TTC3: variants seen among roughly 807,000 people sequenced by gnomAD.
TTC3 encodes the protein E3 ubiquitin-protein ligase TTC3.
In TTC3, 180 loss-of-function variants were observed where a neutral mutation model predicts 249.6. That is an observed-to-expected ratio of 0.72 (90% CI 0.64 to 0.82). The LOEUF is 0.82. TTC3 is among the 40% of genes least tolerant of loss of function. The pLI is 0.00. For missense variants in TTC3, 2,061 were observed against 2,398.4 expected (o/e 0.86, Z 2.94); for synonymous variants, 717 against 805.0 (o/e 0.89, Z 1.85).
At chr21:37,125,976 G>T (rs1413020190) in intron 14 of TTC3, 104 bp from the exon 15 acceptor site, 3 of 1,069,872 alleles carry the variant, frequency 2.8e-6, no homozygotes, top group Non-Finnish European at 4.0e-6. Flanking sequence ...AGCTGCTAGG[G>T]TGAATTCTAT....
At position 37,160,786 on chromosome 21, in the gene TTC3, T is replaced by TC. The variant is rs754356111; in HGVS notation, c.3040-10dup. ...TGTTATTTGAGTGTTCACTGATTTT[T>TC]CCCCCCATTTTTTAGTTTAGTTCAA... On this transcript the variant is annotated splice_polypyrimidine_tract_variant and intron_variant, in intron 29 of 45. Coordinates refer to ENST00000355666, the Ensembl canonical transcript of TTC3. The TC allele has an allele frequency of 6.1e-5, 98 of 1,612,088 alleles. No homozygotes were observed. Among genetic ancestry groups the TC allele is most frequent in the Admixed American group, 4.0e-4 (24 of 59,680 alleles).
chr21:37,171,780 G>C (rs142135326), intron 34 of TTC3, among the ~76,000 whole-genome samples: 154 of 152,324 alleles, frequency 1.0e-3, no homozygotes, highest in African/African-American at 3.4e-3. Context: ...ATAATTCACA[G>C]TTCTCCAACT....
intron 15 of TTC3, 80 bp downstream of exon 15, chr21:37,126,223 C>A: frequency 7.9e-7 from 1 of 1,270,122 alleles, no homozygotes; most frequent in Non-Finnish European, 1.1e-6. Context: ...TGTGCACAAG[C>A]CTTGCTTATA....
Position 37,108,449 on chromosome 21 carries a change from A to T in TTC3, c.900+3A>T. The T allele has an allele frequency of 6.2e-7, 1 of 1,612,334 alleles. No individual in the cohort carries two copies. The highest frequency in any genetic ancestry group is 2.2e-5 in the East Asian group (1 of 44,868). On this transcript the variant is annotated splice_donor_region_variant and intron_variant, in intron 11 of 45. Coordinates refer to ENST00000355666, the Ensembl canonical transcript of TTC3. ...TTCTGAAGAACACTTGGCCAAAGGT[A>T]GGTTTCTTCTGTATTTTATATTGAG... is the stretch of plus-strand genomic sequence containing the variant.
intron 39 of TTC3, 94 bp from the exon 40 acceptor site, chr21:37,191,240 A>G: frequency 1.2e-6 from 1 of 831,476 alleles, no homozygotes; most frequent in Non-Finnish European, 1.8e-6. Context: ...GATTATGTTA[A>G]ATGTCTCTTT....
At chr21:37,188,695 AAT>A (rs1204184373) in intron 39 of TTC3, 100 bp downstream of exon 39, 1 of 767,960 alleles carries the variant, frequency 1.3e-6, no homozygotes, top group Non-Finnish European at 2.0e-6. Flanking sequence ...TTTTATTTTT[AAT>A]AGTTATATAA....
chr21:37,087,181 A>C (rs981919182), intron 1 of TTC3, 66 bp from the exon 2 acceptor site: 2 of 1,564,306 alleles, frequency 1.3e-6, no homozygotes, highest in Admixed American at 1.8e-5. Flanking sequence ...CATAGAAGCC[A>C]GGAAAACTTT....
At chr21:37,127,112 C>T (rs1430243098) in intron 15 of TTC3, among the ~76,000 whole-genome samples, 1 of 152,178 alleles carries the variant, frequency 6.6e-6, no homozygotes, top group Non-Finnish European at 1.5e-5. Flanking sequence ...GCCTTGGCCT[C>T]CCAAAGTGCT....
chr21:37,139,983 A>G (rs2078288726), intron 19 of TTC3, among the ~76,000 whole-genome samples: 1 of 152,152 alleles, frequency 6.6e-6, no homozygotes, highest in Non-Finnish European at 1.5e-5. Context: ...TCTTAGAACT[A>G]TGTATCTTTT....
chr21:37,165,794 A>C lies in TTC3; in HGVS notation c.3580A>C (p.Ile1194Leu), dbSNP rs921520167. ...AAACATTAAAACAAAAGTAGAAGAA[A>C]TTTCAAAAGCAGGGGAGTATGTACG... is the stretch of plus-strand genomic sequence containing the variant. Residue 1194 changes from isoleucine (I) to leucine (L), a missense_variant, in exon 33 of 46, where the codon ATT becomes CTT. Ile to Leu is a conservative substitution (Grantham distance 5). This residue lies in a region of TTC3 where 1,040 missense variants were observed against 1,186.1 expected (regional missense o/e 0.88). Transcript: ENST00000355666. 1.9e-6 allele frequency: 3 copies of C among 1,613,894 alleles called. No individual in the cohort carries two copies. In the African/African-American group the frequency reaches 4.0e-5, roughly 22 times the overall value.
intron 35 of TTC3, among the ~76,000 whole-genome samples, chr21:37,175,597 C>CA (rs1175943574): frequency 0.074 from 3,139 of 42,336 alleles, 110 homozygotes; most frequent in African/African-American, 0.11. Context: ...GACTCCATCT[C>CA]AAAAAAAAAA....
intron 1 of TTC3, among the ~76,000 whole-genome samples, chr21:37,080,265 T>C (rs560018168): frequency 3.0e-4 from 46 of 152,312 alleles, no homozygotes; most frequent in African/African-American, 1.1e-3. Context: ...CTTTGACTTA[T>C]GAGTTACTTA....
rs140453384 is a variant in TTC3, at chr21:37,090,430, G to A, written c.480+144G>A. 85 of 981,750 alleles carry A rather than the reference G, an allele frequency of 8.7e-5. No homozygotes were observed. In the African/African-American group the frequency reaches 1.4e-3, roughly 16 times the overall value. The allele number at this position is 981,750 out of a possible 1,614,324, so 60.8% of individuals were successfully genotyped here. On this transcript the variant is annotated intron_variant, in intron 6 of 45. Coordinates refer to ENST00000355666, the Ensembl canonical transcript of TTC3. ...TATTGACTTCTATATTTTCCTTAAG[G>A]AGACTCCTCATTTTGGGGGTTTGGA... is the stretch of plus-strand genomic sequence containing the variant.
chr21:37,138,592 G>A, intron 18 of TTC3, 42 bp from the exon 19 acceptor site: 3 of 1,439,940 alleles, frequency 2.1e-6, no homozygotes, highest in Non-Finnish European at 1.9e-6. Flanking sequence ...AAATTGGGCA[G>A]AATTATATTC....
At chr21:37,181,711 T>TA (rs1331780015) in intron 35 of TTC3, among the ~76,000 whole-genome samples, 1 of 152,212 alleles carries the variant, frequency 6.6e-6, no homozygotes, top group Non-Finnish European at 1.5e-5. Context: ...AATCTGCCTT[T>TA]AAAAAACATG....
chr21:37,202,108 A>G (rs1244452910), exon 46 of TTC3: 1 of 152,242 alleles, frequency 6.6e-6, no homozygotes, highest in Non-Finnish European at 1.5e-5. Context: ...TTTATAGTTA[A>G]TGTTAAAATA....
At chr21:37,112,799 A>G (rs557322787) in intron 11 of TTC3, among the ~76,000 whole-genome samples, 19 of 152,312 alleles carry the variant, frequency 1.2e-4, no homozygotes, top group South Asian at 6.2e-4. Context: ...TCAGTAAAAT[A>G]CTGGCAAACC....
exon 44 of TTC3, chr21:37,197,982 C>G: frequency 6.2e-7 from 1 of 1,613,746 alleles, no homozygotes. Flanking sequence ...GCACCATCAC[C>G]CAAAACCAAG....
At chr21:37,151,301 A>G (rs528899012) in intron 25 of TTC3, among the ~76,000 whole-genome samples, 25 of 152,122 alleles carry the variant, frequency 1.6e-4, no homozygotes, top group Admixed American at 7.9e-4. Context: ...GAAATACTCA[A>G]TGTACTGTCT....
Sources: gnomAD v4.1 joint callset for allele counts (sites outside exome capture counted in the v4.1 genomes callset) on GRCh38, gnomAD v4.1.1 for gene constraint, gnomAD v4.1.1 regional missense constraint, MANE v1.5 for transcripts, NCBI Gene and HGNC (gene_info 2026-07-23, HGNC 2026-07-21) for gene names.